The following TAFA5 variants were observed in gnomAD, a reference collection of about 807,000 sequenced individuals.
The protein encoded by TAFA5 is TAFA chemokine like family member 5.
TAFA5 carries 6 observed loss-of-function variants against 15.3 expected under a neutral mutation model. The ratio of observed to expected loss-of-function variants is 0.39; its 90% CI spans 0.21 to 0.77. The LOEUF (loss-of-function observed/expected upper bound fraction) is 0.77, where lower values mean the gene tolerates loss of function less well. Ranked by LOEUF, TAFA5 falls within the 30% of genes least tolerant of loss-of-function variation. The pLI, the probability that TAFA5 is intolerant of heterozygous loss-of-function variation, is 0.41. For synonymous variants in TAFA5, 103 were observed against 80.7 expected, an observed-to-expected ratio of 1.28 and a Z score of -1.48; for missense variants, 161 against 193.1, an observed-to-expected ratio of 0.83 and a Z score of 0.98.
At chr22:48,710,409 T>C (rs573956008) in intron 3 of TAFA5, among the ~76,000 whole-genome samples, 18 of 152,198 alleles carry the variant, frequency 1.2e-4, no homozygotes, top group African/African-American at 4.3e-4. Context: ...ACGCCTGTCT[T>C]CTCCTCTCTC....
chr22:48,634,514 C>G (rs1448328440), intron 1 of TAFA5, among the ~76,000 whole-genome samples: 1 of 152,004 alleles, frequency 6.6e-6, no homozygotes, highest in African/African-American at 2.4e-5. Context: ...TTTACTCATT[C>G]ACTCATTCAC....
At chr22:48,580,205 G>A (rs975943386) in intron 1 of TAFA5, among the ~76,000 whole-genome samples, 5 of 152,136 alleles carry the variant, frequency 3.3e-5, no homozygotes, top group Non-Finnish European at 7.4e-5. Flanking sequence ...TGGCTCTTTC[G>A]GAAATGAGGC....
intron 2 of TAFA5, among the ~76,000 whole-genome samples, chr22:48,680,171 C>A (rs1928134327): frequency 6.6e-6 from 1 of 152,238 alleles, no homozygotes; most frequent in Admixed American, 6.5e-5. Context: ...CTGAAACCAC[C>A]TGCTCACCCC....
At chr22:48,697,980 TAGGATGGTG>T (rs1928773621) in intron 2 of TAFA5, among the ~76,000 whole-genome samples, 1 of 148,264 alleles carries the variant, frequency 6.7e-6, no homozygotes, top group Non-Finnish European at 1.5e-5. Flanking sequence ...GTCCTGTTGA[TAGGATGGTG>T]AGGATGGTGA....
At chr22:48,578,404 T>A (rs774900066) in intron 1 of TAFA5, among the ~76,000 whole-genome samples, 9 of 152,220 alleles carry the variant, frequency 5.9e-5, no homozygotes, top group Non-Finnish European at 1.3e-4. Context: ...TAAAGGACTC[T>A]GTTTTTTGGC....
intron 1 of TAFA5, among the ~76,000 whole-genome samples, chr22:48,577,664 A>G (rs1923866726): frequency 6.6e-6 from 1 of 152,156 alleles, no homozygotes; most frequent in Non-Finnish European, 1.5e-5. Context: ...AGGCCTGGGG[A>G]AGCAGGTAGG....
intron 1 of TAFA5, among the ~76,000 whole-genome samples, chr22:48,541,424 C>T (rs1434914246): frequency 1.3e-5 from 2 of 152,110 alleles, no homozygotes; most frequent in Admixed American, 6.5e-5. Context: ...CTGGAGGGCC[C>T]GTAGGACCCA....
At chr22:48,651,603 C>T (rs5771886) in intron 2 of TAFA5, among the ~76,000 whole-genome samples, 116,722 of 152,024 alleles carry the variant, frequency 0.77, 44,952 homozygotes, top group African/African-American at 0.81. Context: ...CGTGGGACAG[C>T]AGAGGCCTTG....
chr22:48,498,992 C>G (rs1194364875), intron 1 of TAFA5, among the ~76,000 whole-genome samples: 1 of 152,208 alleles, frequency 6.6e-6, no homozygotes, highest in East Asian at 1.9e-4. Context: ...GTCCCCGTCC[C>G]GTGCGTGTCC....
intron 3 of TAFA5, among the ~76,000 whole-genome samples, chr22:48,719,800 G>A (rs1313364575): frequency 1.3e-5 from 2 of 152,196 alleles, no homozygotes; most frequent in African/African-American, 2.4e-5. Flanking sequence ...GATAATGGCT[G>A]GACATTTTAA....
intron 2 of TAFA5, among the ~76,000 whole-genome samples, chr22:48,689,641 A>G (rs960496034): frequency 4.1e-4 from 50 of 120,634 alleles, no homozygotes; most frequent in African/African-American, 1.5e-3. Flanking sequence ...GTCCTAGGTC[A>G]CCCGTGTAGC....
intron 2 of TAFA5, among the ~76,000 whole-genome samples, chr22:48,694,549 C>T (rs948492225): frequency 4.6e-5 from 7 of 152,084 alleles, no homozygotes; most frequent in Admixed American, 1.3e-4. Context: ...GAGCCCTGAG[C>T]CCAGGAAGCC....
intron 3 of TAFA5, among the ~76,000 whole-genome samples, chr22:48,746,626 T>TA (rs2147277858): frequency 6.6e-6 from 1 of 151,878 alleles, no homozygotes; most frequent in South Asian, 2.1e-4. Flanking sequence ...GCTCAGAGAG[T>TA]AAGTGGATGT....
intron 1 of TAFA5, among the ~76,000 whole-genome samples, chr22:48,623,138 C>T (rs1157879580): frequency 1.3e-5 from 2 of 152,236 alleles, no homozygotes; most frequent in East Asian, 1.9e-4. Flanking sequence ...CTGTCACCTT[C>T]GACCTTGCAG....
chr22:48,741,759 C>T (rs1216990513), intron 3 of TAFA5, among the ~76,000 whole-genome samples: 1 of 152,188 alleles, frequency 6.6e-6, no homozygotes, highest in Non-Finnish European at 1.5e-5. Context: ...GGATCCCAGA[C>T]GTCCAGCCTC....
intron 1 of TAFA5, among the ~76,000 whole-genome samples, chr22:48,609,813 T>C (rs1046482887): frequency 6.6e-6 from 1 of 152,130 alleles, no homozygotes; most frequent in Non-Finnish European, 1.5e-5. Context: ...TCCCGGCTGC[T>C]CTCTGGCTGC....
intron 1 of TAFA5, among the ~76,000 whole-genome samples, chr22:48,631,503 C>CA (rs1926225981): frequency 6.6e-6 from 1 of 152,228 alleles, no homozygotes. Flanking sequence ...GCAGCATCCT[C>CA]ACGACTGCTG....
intron 1 of TAFA5, among the ~76,000 whole-genome samples, chr22:48,502,380 C>G (rs995046327): frequency 6.7e-6 from 1 of 150,176 alleles, no homozygotes; most frequent in South Asian, 2.1e-4. Context: ...GCCTGGGGCC[C>G]GATGCCTTGG....
chr22:48,673,036 G>A (rs1399803808), intron 2 of TAFA5, among the ~76,000 whole-genome samples: 2 of 152,154 alleles, frequency 1.3e-5, no homozygotes, highest in Admixed American at 1.3e-4. Flanking sequence ...CCCCGCTAAG[G>A]AATGCTGCAC....
Sources: allele counts gnomAD v4.1 joint callset (sites outside exome capture counted in the v4.1 genomes callset), GRCh38; gene constraint gnomAD v4.1.1; transcripts MANE v1.5; gene names NCBI Gene and HGNC (gene_info 2026-07-23, HGNC 2026-07-21).